Variants in GOLIM4 observed in about 807,000 individuals in gnomAD.
GOLIM4 encodes golgi integral membrane protein 4, also known as 130 kDa golgi-localized phosphoprotein.
Under a neutral mutation model 107.4 loss-of-function variants are expected in GOLIM4, and 71 were observed. That is an observed-to-expected ratio of 0.66 (90% CI 0.55 to 0.81). The LOEUF (loss-of-function observed/expected upper bound fraction) is 0.81, where lower values mean the gene tolerates loss of function less well. GOLIM4 is among the 30% of genes least tolerant of loss of function. GOLIM4 has a pLI of 0.00. For missense variants in GOLIM4, 830 were observed against 826.1 expected (o/e 1.00, Z -0.06); for synonymous variants, 327 against 294.8 (o/e 1.11, Z -1.12).
chr3:168,051,422 T>A (rs1051904067), intron 1 of GOLIM4, among the ~76,000 whole-genome samples: 4 of 152,166 alleles, frequency 2.6e-5, no homozygotes, highest in African/African-American at 9.7e-5. Context: ...CAGGAGATCA[T>A]AGGACACAGT....
rs62273326 is a variant in GOLIM4 at position 168,081,673 on chromosome 3, A to G, written c.187+13426T>C. Among the ~76,000 whole-genome samples the G allele has an allele frequency of 5.5e-3, 844 of 152,274 alleles. 9 individuals are homozygous for G. The highest frequency in any genetic ancestry group is 9.5e-3 in the Non-Finnish European group (649 of 68,010). On this transcript the variant is annotated intron_variant, in intron 1 of 15. Coordinates refer to ENST00000470487, the MANE Select transcript of GOLIM4 (RefSeq NM_014498.5). ...TGACTTCTGCTTCCTTAAATTTAAA[A>G]TGGTAATAACACAGTATAATGGTAA... is the stretch of plus-strand genomic sequence containing the variant.
In GOLIM4 at chr3:168,025,024, G is replaced by C. The variant is rs201351775; in HGVS notation, c.1695C>G (p.Ala565=). The C allele has an allele frequency of 1.9e-6, 3 of 1,613,506 alleles. No homozygotes were observed. Among genetic ancestry groups the C allele is most frequent in the East Asian group, 2.2e-5 (1 of 44,870 alleles). Residue 565 remains alanine (A), a synonymous_variant, in exon 13 of 16, where the codon GCC becomes GCG. Transcript: ENST00000470487. ...NNQGEDEFEE[A]EQVREENLPD... is the part of the protein sequence containing the mutation. ...GCAAATTTTCTTCTCTCACTTGCTC[G>C]GCTTCTTCAAATTCATCCTCACCTT...
chr3:168,015,786 G>T (rs1301272602), intron 14 of GOLIM4, among the ~76,000 whole-genome samples: 1 of 133,076 alleles, frequency 7.5e-6, no homozygotes, highest in Non-Finnish European at 1.5e-5. Flanking sequence ...AACAAGCAAT[G>T]GGGAAAGGAT....
In GOLIM4 at chr3:168,032,811, A is replaced by G; in HGVS notation, c.885T>C (p.Val295=). The G allele has an allele frequency of 6.2e-7, 1 of 1,613,854 alleles. No individual in the cohort carries two copies. The highest frequency in any genetic ancestry group is 1.6e-4 in the Middle Eastern group (1 of 6,062). Residue 295 remains valine, a synonymous_variant, in exon 9 of 16, where the codon GTT becomes GTC. Coordinates refer to ENST00000470487, the MANE Select transcript of GOLIM4 (RefSeq NM_014498.5). ...NNDVWQNHEA[V]PGRAEDTKLY... ...GTTTTGTGTCTTCTGCTCTTCCAGG[A>G]ACTGCTTCATGGTTCTGCCACACAT...
At chr3:168,024,906 C>T in intron 13 of GOLIM4, 22 bp downstream of exon 13, 1 of 1,602,466 alleles carries the variant, frequency 6.2e-7, no homozygotes, top group Non-Finnish European at 8.5e-7. Context: ...TAAATCCACC[C>T]TTCCTCGTGG....
rs143218887 is a variant in GOLIM4 at position 168,027,674 on chromosome 3, T to C, written c.1623+54A>G. On this transcript the variant is annotated intron_variant, in intron 12 of 15. Coordinates refer to ENST00000470487, the MANE Select transcript of GOLIM4 (RefSeq NM_014498.5). ...CTGGCATCAGGCAAGTTTTCAACTC[T>C]CTTTCCCACCTTATGAGTTTACATG... 121 of 1,092,374 alleles carry C rather than the reference T, an allele frequency of 1.1e-4. No homozygotes were observed. In the African/African-American group the frequency reaches 1.6e-3, roughly 15 times the overall value. The allele number at this position is 1,092,374 out of a possible 1,614,324, so 67.7% of individuals were successfully genotyped here.
intron 14 of GOLIM4, among the ~76,000 whole-genome samples, chr3:168,017,409 G>A (rs563060559): frequency 1.3e-5 from 2 of 152,268 alleles, no homozygotes; most frequent in African/African-American, 4.8e-5. Flanking sequence ...AGGATCGATT[G>A]AGCTCTGGAG....
rs193054508 is a variant in GOLIM4, at chr3:168,028,288, C to T, written c.1514-451G>A. Among the ~76,000 whole-genome samples the T allele has an allele frequency of 5.3e-4, 80 of 152,214 alleles. No individual in the cohort carries two copies. In the East Asian group the frequency reaches 0.015, roughly 28 times the overall value. ...TGTGGAGCTCAGAAACAAATATAGC[C>T]CATCACATGTTTTCTGATGTCATCA... On this transcript the variant is annotated intron_variant, in intron 11 of 15. Transcript: ENST00000470487.
intron 1 of GOLIM4, among the ~76,000 whole-genome samples, chr3:168,075,328 G>C (rs1448561903): frequency 8.9e-6 from 1 of 112,678 alleles, no homozygotes. Flanking sequence ...ACGGAGTCTC[G>C]CTCTGTCGCC....
chr3:168,008,962 T>C lies in GOLIM4; in HGVS notation c.*1307A>G, dbSNP rs987758146. 10 of 152,012 alleles carry C rather than the reference T, an allele frequency of 6.6e-5. No individual in the cohort carries two copies. Among genetic ancestry groups the C allele is most frequent in the Non-Finnish European group, 1.2e-4 (8 of 67,970 alleles). 9.4% of individuals were successfully genotyped at this position (152,012 alleles called of 1,614,324 possible). On this transcript the variant is annotated 3_prime_UTR_variant, in exon 16 of 16. Transcript: ENST00000470487. ...TGGAACAATCAAAACCATCTATGAG[T>C]GTGGTTATTAAAAAATAAAATTACG...
Position 168,095,297 on chromosome 3 carries a change from G to C in GOLIM4, c.-12C>G. Reference sequence around the variant, plus strand: ...ATCCCGTTTCCCATAGTCCCGCCTGGACCCAAAGCCGCGGCCGCCCCCGCC... The same window carrying C: ...ATCCCGTTTCCCATAGTCCCGCCTGCACCCAAAGCCGCGGCCGCCCCCGCC... On this transcript the variant is annotated 5_prime_UTR_variant, in exon 1 of 16. Coordinates refer to ENST00000470487, the MANE Select transcript of GOLIM4 (RefSeq NM_014498.5). The C allele has an allele frequency of 6.2e-7, 1 of 1,609,416 alleles. No homozygotes were observed. Among genetic ancestry groups the C allele is most frequent in the Non-Finnish European group, 8.5e-7 (1 of 1,178,606 alleles).
chr3:168,058,484 T>G (rs1720096753), intron 1 of GOLIM4, among the ~76,000 whole-genome samples: 1 of 152,214 alleles, frequency 6.6e-6, no homozygotes, highest in Non-Finnish European at 1.5e-5. Context: ...GATTCTTCTC[T>G]TAGCTGCCCT....
chr3:168,060,999 A>C (rs1420619894), intron 1 of GOLIM4, among the ~76,000 whole-genome samples: 1 of 152,220 alleles, frequency 6.6e-6, no homozygotes, highest in African/African-American at 2.4e-5. Flanking sequence ...ATTCATTAGC[A>C]GGTCATCGCA....
chr3:168,086,723 G>A (rs1347135117), intron 1 of GOLIM4, among the ~76,000 whole-genome samples: 2 of 152,182 alleles, frequency 1.3e-5, no homozygotes, highest in African/African-American at 2.4e-5. Flanking sequence ...TCCGGGCTAT[G>A]AGCCTATTTA....
At chr3:168,062,102 G>T (rs1254585281) in intron 1 of GOLIM4, among the ~76,000 whole-genome samples, 1 of 152,144 alleles carries the variant, frequency 6.6e-6, no homozygotes, top group Non-Finnish European at 1.5e-5. Context: ...ATTTACATAT[G>T]TCACTTTTTT....
At position 168,025,019 on chromosome 3, in the gene GOLIM4, T is replaced by C. The variant is rs376236660; in HGVS notation, c.1700A>G (p.Gln567Arg). 2.5e-6 allele frequency: 4 copies of C among 1,613,876 alleles called. No individual in the cohort carries two copies. The African/African-American group carries it at 4.0e-5, about 16-fold the overall frequency. ...ATCTGGCAAATTTTCTTCTCTCACT[T>C]GCTCGGCTTCTTCAAATTCATCCTC... ...QGEDEFEEAE[Q>R]VREENLPDEN... The change falls in exon 13 of 16, where the codon CAA (glutamine) becomes CGA (arginine). Residue 567 changes from glutamine to arginine, a missense_variant. By Grantham distance (43) the Gln-to-Arg change is conservative (BLOSUM62 1). Transcript: ENST00000470487.
chr3:168,048,825 T>C (rs539019468), intron 1 of GOLIM4, among the ~76,000 whole-genome samples: 1 of 152,182 alleles, frequency 6.6e-6, no homozygotes, highest in Non-Finnish European at 1.5e-5. Flanking sequence ...AAAGTCAACA[T>C]GATCTGCATC....
chr3:168,095,498 G>A lies in GOLIM4; in HGVS notation c.-213C>T, dbSNP rs1442916915. 2 of 520,650 alleles carry A rather than the reference G, an allele frequency of 3.8e-6. No homozygotes were observed. The highest frequency in any genetic ancestry group is 6.7e-6 in the Non-Finnish European group (2 of 297,700). The allele number at this position is 520,650 out of a possible 1,614,324, so 32.3% of individuals were successfully genotyped here. ...CATCGACGCCGCCCGGGCAGCTGCA[G>A]CCAAACTTCTGCGAGGCTCGTTCTC... On this transcript the variant is annotated 5_prime_UTR_variant, in exon 1 of 16. Transcript: ENST00000470487.
chr3:168,048,149 G>A, intron 2 of GOLIM4, 142 bp downstream of exon 2: 1 of 652,332 alleles, frequency 1.5e-6, no homozygotes, highest in Non-Finnish European at 2.8e-6. Flanking sequence ...TATATTACTT[G>A]ACATGTCTTT....
Sources: allele counts gnomAD v4.1 joint callset (sites outside exome capture counted in the v4.1 genomes callset), GRCh38; gene constraint gnomAD v4.1.1; transcripts MANE v1.5; gene names NCBI Gene and HGNC (gene_info 2026-07-23, HGNC 2026-07-21).